TSPEAR: variants seen among roughly 807,000 people sequenced by gnomAD.
The protein encoded by TSPEAR is thrombospondin type laminin G domain and EAR repeats.
In TSPEAR, 69 loss-of-function variants were observed where a neutral mutation model predicts 71.6. The ratio of observed to expected loss-of-function variants is 0.96; its 90% CI spans 0.79 to 1.18. TSPEAR has a LOEUF of 1.18. Among genes scored for constraint, TSPEAR ranks in the 50% most tolerant of loss-of-function variants. TSPEAR has a pLI of 0.00. For synonymous variants in TSPEAR, 402 were observed against 387.2 expected (o/e 1.04, Z -0.45); for missense variants, 971 against 894.9 (o/e 1.09, Z -1.09).
intron 1 of TSPEAR, chr21:44,666,764 C>T (rs1387397280): frequency 6.2e-7 from 1 of 1,612,050 alleles, no homozygotes; most frequent in Non-Finnish European, 8.5e-7. Context: ...ACACGGAGGA[C>T]TGGCAGCCCA....
intron 10 of TSPEAR, chr21:44,508,054 A>C (rs1212227185): frequency 5.9e-5 from 9 of 152,210 alleles, no homozygotes; most frequent in Admixed American, 2.0e-4. Flanking sequence ...TTCAGAAGTA[A>C]CAGGGCAAAT....
At chr21:44,708,185 C>T (rs1555952892) in intron 1 of TSPEAR, among the ~76,000 whole-genome samples, 1 of 152,160 alleles carries the variant, frequency 6.6e-6, no homozygotes, top group African/African-American at 2.4e-5. Flanking sequence ...ATCCCTCCCC[C>T]AGCCCCCAGC....
chr21:44,577,397 A>T, intron 1 of TSPEAR, among the ~76,000 whole-genome samples: 1 of 152,302 alleles, frequency 6.6e-6, no homozygotes, highest in East Asian at 1.9e-4. Flanking sequence ...GCTGTACAAG[A>T]ATGGCACCTG....
At chr21:44,575,514 G>A (rs782022485) in intron 1 of TSPEAR, 8 of 165,672 alleles carry the variant, frequency 4.8e-5, no homozygotes, top group South Asian at 1.6e-4. Context: ...CAGGCTAGAC[G>A]GACATGGACG....
At position 44,629,569 on chromosome 21, in the gene TSPEAR, G is replaced by T. The variant is rs587739320; in HGVS notation, c.83-61564C>A. On this transcript the variant is annotated intron_variant, in intron 1 of 11. Transcript: ENST00000323084. ...ATCACAAGTCAGCCCATATCAGGGG[G>T]CTCTGGCTTTGGCCCTTGAGGCAGG... is the stretch of plus-strand genomic sequence containing the variant. Among the ~76,000 whole-genome samples, 6 of 152,314 alleles carry T rather than the reference G, an allele frequency of 3.9e-5. No homozygotes were observed. In the South Asian group the frequency reaches 1.2e-3, roughly 32 times the overall value.
Position 44,502,667 on chromosome 21 carries a change from C to T in TSPEAR, c.1856+2113G>A, listed in dbSNP as rs587625158. The stretch of plus-strand genomic sequence containing the variant: ...AGCACTCGTGGGTTGTGGCTACACC[C>T]GGGGCAGGGCCCCAGCTCAGATCCC... On this transcript the variant is annotated intron_variant, in intron 11 of 11. Transcript: ENST00000323084. Among the ~76,000 whole-genome samples, 19 of 152,382 alleles carry T rather than the reference C, an allele frequency of 1.2e-4. No homozygotes were observed. In the East Asian group the frequency reaches 1.7e-3, roughly 14 times the overall value.
intron 1 of TSPEAR, among the ~76,000 whole-genome samples, chr21:44,597,432 C>CTTTTTTTT (rs370569621): frequency 4.6e-5 from 6 of 130,618 alleles, no homozygotes; most frequent in African/African-American, 1.6e-4. Context: ...TTCTTTCTTT[C>CTTTTTTTT]TTTTCTTTTT....
chr21:44,539,171 A>C (rs2146000158), intron 2 of TSPEAR: 1 of 1,416,860 alleles, frequency 7.1e-7, no homozygotes, highest in East Asian at 2.5e-5. Context: ...AGGGGGGGTC[A>C]CCTCAGCACA....
Position 44,499,657 on chromosome 21 carries a change from C to T in TSPEAR, c.*126G>A, listed in dbSNP as rs587743819. ...AGGGCCGCAGATGGCCCCACCTGCACCCTGCCTGATGCCCAGGCCCGGGAT... is the reference window on the plus strand; with the variant it reads ...AGGGCCGCAGATGGCCCCACCTGCATCCTGCCTGATGCCCAGGCCCGGGAT... On this transcript the variant is annotated 3_prime_UTR_variant, in exon 12 of 12. Coordinates refer to ENST00000323084, the MANE Select transcript of TSPEAR (RefSeq NM_144991.3). 5.6e-6 allele frequency: 6 copies of T among 1,065,814 alleles called. No individual in the cohort carries two copies. Among genetic ancestry groups the T allele is most frequent in the East Asian group, 2.9e-5 (1 of 34,006 alleles). The allele number at this position is 1,065,814 out of a possible 1,614,324, so 66.0% of individuals were successfully genotyped here. A position where few individuals can be genotyped will look rare whatever the true frequency, so the allele number is the denominator to read the frequency against.
intron 1 of TSPEAR, among the ~76,000 whole-genome samples, chr21:44,700,242 A>G (rs1987584960): frequency 6.6e-6 from 1 of 152,218 alleles, no homozygotes; most frequent in Non-Finnish European, 1.5e-5. Context: ...CCAGGGTTCC[A>G]CCACCAGGAA....
chr21:44,562,417 T>G (rs1178993400), intron 2 of TSPEAR, among the ~76,000 whole-genome samples: 1 of 152,216 alleles, frequency 6.6e-6, no homozygotes, highest in Non-Finnish European at 1.5e-5. Context: ...CCAAGTAATT[T>G]ATAGATTCAA....
At chr21:44,600,394 CA>C (rs150209332) in intron 1 of TSPEAR, among the ~76,000 whole-genome samples, 5,989 of 152,210 alleles carry the variant, frequency 0.039, 280 homozygotes, top group African/African-American at 0.11. Context: ...CAGGACTTTA[CA>C]AACTGAACGG....
chr21:44,612,519 G>A lies in TSPEAR; in HGVS notation c.83-44514C>T, dbSNP rs868957822. On this transcript the variant is annotated intron_variant, in intron 1 of 11. Transcript: ENST00000323084. This position sits in a 1 kb window ranked among gnomAD's most constrained non-coding sequence, Gnocchi z 4.1. ...GTGTGCTGCGTGTCCATCTGCTCTG[G>A]AGCTTCCTCCCCATGCTGCCAGCAG... The A allele has an allele frequency of 1.2e-6, 2 of 1,608,592 alleles. No individual in the cohort carries two copies. The highest frequency in any genetic ancestry group is 1.1e-5 in the South Asian group (1 of 90,918).
chr21:44,672,582 A>T (rs1986113386), intron 1 of TSPEAR, among the ~76,000 whole-genome samples: 1 of 152,174 alleles, frequency 6.6e-6, no homozygotes. Flanking sequence ...AACAAAAAAA[A>T]AAGAAAACCT....
intron 6 of TSPEAR, 99 bp from the exon 7 acceptor site, chr21:44,527,617 C>T: frequency 8.5e-7 from 1 of 1,170,508 alleles, no homozygotes; most frequent in Non-Finnish European, 1.2e-6. Flanking sequence ...AGTCACAAGC[C>T]ACGACTCCTG....
At chr21:44,627,554 C>G in intron 1 of TSPEAR, 5 of 1,613,166 alleles carry the variant, frequency 3.1e-6, no homozygotes, top group African/African-American at 1.3e-5. Context: ...AGCTACCAGC[C>G]AGCTTGCTGT....
At chr21:44,651,627 CT>C (rs1984798745) in intron 1 of TSPEAR, among the ~76,000 whole-genome samples, 1 of 152,182 alleles carries the variant, frequency 6.6e-6, no homozygotes, top group African/African-American at 2.4e-5. Flanking sequence ...CTCCCTCCTT[CT>C]GATAAGGACC....
chr21:44,640,464 G>A (rs1983963232), intron 1 of TSPEAR, among the ~76,000 whole-genome samples: 6 of 152,208 alleles, frequency 3.9e-5, no homozygotes, highest in Admixed American at 3.9e-4. Context: ...TATTGGTGAT[G>A]GCTGAGAAAC....
At position 44,558,327 on chromosome 21, in the gene TSPEAR, G is replaced by C. The variant is rs200250794; in HGVS notation, c.303+9458C>G. ...CTGGCAGCATGAAGAGGAAGCCCCA[G>C]AGCAGACGGGCACACAGCAGATGGG... On this transcript the variant is annotated intron_variant, in intron 2 of 11. Coordinates refer to ENST00000323084, the MANE Select transcript of TSPEAR (RefSeq NM_144991.3). The C allele has an allele frequency of 2.1e-4, 344 of 1,613,984 alleles. 1 individual carries two copies. The highest frequency in any genetic ancestry group is 2.5e-4 in the Non-Finnish European group (300 of 1,179,864).
Sources: gnomAD v4.1 joint callset for allele counts (sites outside exome capture counted in the v4.1 genomes callset) on GRCh38, gnomAD v4.1.1 for gene constraint, Gnocchi (gnomAD v3.1) non-coding constraint, MANE v1.5 for transcripts, NCBI Gene and HGNC (gene_info 2026-07-23, HGNC 2026-07-21) for gene names.